KANSL1L: variants seen among roughly 807,000 people sequenced by gnomAD.
KANSL1L encodes KAT8 regulatory NSL complex subunit 1 like.
Under a neutral mutation model 108.6 loss-of-function variants are expected in KANSL1L, and 25 were observed. The observed-to-expected ratio is 0.23, with a 90% CI of 0.17 to 0.32. The LOEUF (loss-of-function observed/expected upper bound fraction) is 0.32. Ranked by LOEUF, KANSL1L falls within the 10% of genes least tolerant of loss-of-function variation. The pLI, the probability that KANSL1L is intolerant of heterozygous loss-of-function variation, is 1.00. For synonymous variants in KANSL1L, 405 were observed against 395.1 expected, an observed-to-expected ratio of 1.03 and a Z score of -0.30; for missense variants, 1,137 against 1,125.7, an observed-to-expected ratio of 1.01 and a Z score of -0.14.
chr2:210,124,942 A>T (rs780023929), intron 3 of KANSL1L, among the ~76,000 whole-genome samples: 4 of 152,130 alleles, frequency 2.6e-5, no homozygotes, highest in Non-Finnish European at 4.4e-5. Flanking sequence ...CAACTTAAGA[A>T]GACTAAATCT....
At chr2:210,108,533 T>C (rs1314242522) in intron 3 of KANSL1L, among the ~76,000 whole-genome samples, 1 of 152,210 alleles carries the variant, frequency 6.6e-6, no homozygotes, top group African/African-American at 2.4e-5. Context: ...ATATAAATCT[T>C]ATTCATCAAT....
At chr2:210,099,081 A>C (rs1219411238) in intron 4 of KANSL1L, among the ~76,000 whole-genome samples, 1 of 152,104 alleles carries the variant, frequency 6.6e-6, no homozygotes, top group Non-Finnish European at 1.5e-5. Context: ...ATCTGTAATC[A>C]TACTTCAAAG....
Position 210,091,358 on chromosome 2 carries a change from TA to T in KANSL1L, c.1550+6727del, listed in dbSNP as rs201332302. ...TTTTCTATTTATCCTTTTTGAAGTA[TA>T]TAGTTTATATCCTATTTTCTTAACC... On this transcript the variant is annotated intron_variant, in intron 5 of 14. Transcript: ENST00000281772. 2.2e-3 allele frequency among the ~76,000 whole-genome samples: 339 copies of T among 152,316 alleles called. 6 individuals are homozygous for T. In the East Asian group the frequency reaches 0.033, roughly 15 times the overall value.
intron 1 of KANSL1L, among the ~76,000 whole-genome samples, chr2:210,157,902 C>CAAA (rs77438218): frequency 6.8e-6 from 1 of 147,694 alleles, no homozygotes. Flanking sequence ...AAGACCCTGT[C>CAAA]AAAAAAAAAG....
rs537209555 is a variant in KANSL1L, at chr2:210,071,027, G to A, written c.1755+4525C>T. 7.4e-4 allele frequency among the ~76,000 whole-genome samples: 112 copies of A among 151,440 alleles called. 1 individual carries two copies. The highest frequency in any genetic ancestry group is 8.0e-4 in the African/African-American group (33 of 41,348). On this transcript the variant is annotated intron_variant, in intron 6 of 14. Transcript: ENST00000281772. ...ACCAAAATTAGCCGGGTGTGGTGGC[G>A]GGCACCTGTAATCCCAGCTACTTGG...
intron 6 of KANSL1L, among the ~76,000 whole-genome samples, chr2:210,074,003 A>T (rs2094525527): frequency 6.6e-6 from 1 of 152,238 alleles, no homozygotes; most frequent in South Asian, 2.1e-4. Flanking sequence ...TCAGAAAAGA[A>T]ATGATTATAA....
chr2:210,050,432 A>G (rs1378499001), intron 6 of KANSL1L, among the ~76,000 whole-genome samples: 1 of 152,174 alleles, frequency 6.6e-6, no homozygotes, highest in Non-Finnish European at 1.5e-5. Context: ...ACCACTTTAA[A>G]TATAAAGTAA....
At chr2:210,068,093 G>T (rs1009526627) in intron 6 of KANSL1L, among the ~76,000 whole-genome samples, 11 of 152,026 alleles carry the variant, frequency 7.2e-5, no homozygotes, top group Admixed American at 5.2e-4. Context: ...GGCCAGGCTG[G>T]TCTCAAACTC....
chr2:210,084,228 C>G (rs989014395), intron 5 of KANSL1L, among the ~76,000 whole-genome samples: 2 of 152,088 alleles, frequency 1.3e-5, no homozygotes, highest in Non-Finnish European at 2.9e-5. Context: ...TCGAGACCAG[C>G]CTGGCCAGCA....
Position 210,031,385 on chromosome 2 carries a change from T to C in KANSL1L, c.2155+36A>G, listed in dbSNP as rs752230454. 7 of 1,452,690 alleles carry C rather than the reference T, an allele frequency of 4.8e-6. No homozygotes were observed. In the South Asian group the frequency reaches 8.7e-5, roughly 18 times the overall value. 90.0% of individuals were successfully genotyped at this position (1,452,690 alleles called of 1,614,324 possible). A position where few individuals can be genotyped will look rare whatever the true frequency, so the allele number is the denominator to read the frequency against. ...AAATCAGAATTTTTAATTTTTAATA[T>C]TTATCACTACTGCTTATATCCTCAC... is the stretch of plus-strand genomic sequence containing the variant. On this transcript the variant is annotated intron_variant, in intron 9 of 14. Transcript: ENST00000281772.
intron 3 of KANSL1L, among the ~76,000 whole-genome samples, chr2:210,127,433 G>A (rs903626252): frequency 6.6e-6 from 1 of 152,096 alleles, no homozygotes; most frequent in Non-Finnish European, 1.5e-5. Flanking sequence ...AAAAGAAAAA[G>A]TAGACAAATG....
intron 8 of KANSL1L, among the ~76,000 whole-genome samples, chr2:210,033,185 A>C (rs1228706378): frequency 6.6e-6 from 1 of 152,238 alleles, no homozygotes; most frequent in Non-Finnish European, 1.5e-5. Context: ...TCCAGAATCA[A>C]TATTAAACCC....
intron 3 of KANSL1L, among the ~76,000 whole-genome samples, chr2:210,123,094 G>A (rs926964234): frequency 1.3e-5 from 2 of 152,118 alleles, no homozygotes; most frequent in Non-Finnish European, 2.9e-5. Flanking sequence ...TGGTGGGAAT[G>A]TATATTCCCA....
chr2:210,162,815 A>G (rs1188093647), intron 1 of KANSL1L, among the ~76,000 whole-genome samples: 1 of 152,164 alleles, frequency 6.6e-6, no homozygotes, highest in East Asian at 1.9e-4. Context: ...GTCAAATGCT[A>G]AACAGGTCAA....
chr2:210,072,869 A>G (rs1205752774), intron 6 of KANSL1L, among the ~76,000 whole-genome samples: 6 of 152,168 alleles, frequency 3.9e-5, no homozygotes, highest in Admixed American at 3.9e-4. Context: ...AGTTATACCC[A>G]TTAATGATTC....
chr2:210,041,914 A>T (rs1292305700), intron 7 of KANSL1L, among the ~76,000 whole-genome samples: 1 of 152,216 alleles, frequency 6.6e-6, no homozygotes, highest in Non-Finnish European at 1.5e-5. Context: ...TGATATTATG[A>T]TCATATGAAA....
chr2:210,044,146 C>T lies in KANSL1L; in HGVS notation c.1756-42G>A. ...TATTAGAATATCACAGCCAAAGCAT[C>T]CATAAATGGCATATCTCTACATTTA... is the stretch of plus-strand genomic sequence containing the variant. On this transcript the variant is annotated intron_variant, in intron 6 of 14. Coordinates refer to ENST00000281772, the MANE Select transcript of KANSL1L (RefSeq NM_152519.4). The surrounding 1 kb of genome is among the most constrained non-coding windows in gnomAD (Gnocchi z 4.2). 7.3e-7 allele frequency: 1 copy of T among 1,364,912 alleles called. No individual in the cohort carries two copies. The highest frequency in any genetic ancestry group is 9.8e-7 in the Non-Finnish European group (1 of 1,016,102). The allele number at this position is 1,364,912 out of a possible 1,614,324, so 84.6% of individuals were successfully genotyped here. A position where few individuals can be genotyped will look rare whatever the true frequency, so the allele number is the denominator to read the frequency against.
Position 210,046,232 on chromosome 2 carries a change from G to A in KANSL1L, c.1756-2128C>T, listed in dbSNP as rs138433204. Among the ~76,000 whole-genome samples the A allele has an allele frequency of 4.0e-3, 605 of 152,226 alleles. 7 individuals carry two copies. The highest frequency in any genetic ancestry group is 9.6e-3 in the South Asian group (46 of 4,816). ...ATGAGTTTTGGGGGAGACTCATTCAGTCTATAGCATTGCATCCAAGCCCCC... is the reference window on the plus strand; with the variant it reads ...ATGAGTTTTGGGGGAGACTCATTCAATCTATAGCATTGCATCCAAGCCCCC... On this transcript the variant is annotated intron_variant, in intron 6 of 14. Coordinates refer to ENST00000281772, the MANE Select transcript of KANSL1L (RefSeq NM_152519.4).
intron 2 of KANSL1L, among the ~76,000 whole-genome samples, chr2:210,130,079 A>G (rs192788500): frequency 1.3e-5 from 2 of 152,078 alleles, no homozygotes; most frequent in African/African-American, 4.8e-5. Context: ...TAAAAAACTT[A>G]TCTAAAAATT....
Sources: gnomAD v4.1 joint callset for allele counts (sites outside exome capture counted in the v4.1 genomes callset) on GRCh38, gnomAD v4.1.1 for gene constraint, Gnocchi (gnomAD v3.1) non-coding constraint, MANE v1.5 for transcripts, NCBI Gene and HGNC (gene_info 2026-07-23, HGNC 2026-07-21) for gene names.